Variants in STEAP2 observed in about 807,000 individuals in gnomAD.
The protein encoded by STEAP2 is STEAP2 metalloreductase.
In STEAP2, 30 loss-of-function variants were observed where a neutral mutation model predicts 46.4. That is an observed-to-expected ratio of 0.65 (90% CI 0.48 to 0.88). The LOEUF is 0.88. STEAP2 is among the 40% of genes least tolerant of loss of function. The pLI, the probability that STEAP2 is intolerant of heterozygous loss-of-function variation, is 0.00. For synonymous variants in STEAP2, 180 were observed against 200.5 expected, an observed-to-expected ratio of 0.90 and a Z score of 0.86; for missense variants, 513 against 579.3, an observed-to-expected ratio of 0.89 and a Z score of 1.18.
chr7:90,213,397 A>G (rs771117133), intron 1 of STEAP2, among the ~76,000 whole-genome samples: 1 of 152,196 alleles, frequency 6.6e-6, no homozygotes, highest in Non-Finnish European at 1.5e-5. Flanking sequence ...AAGAAGATAC[A>G]CCAAAAATGT....
At chr7:90,215,510 C>T (rs1794978336) in intron 1 of STEAP2, 1 of 152,152 alleles carries the variant, frequency 6.6e-6, no homozygotes, top group African/African-American at 2.4e-5. Flanking sequence ...AATGCCCATT[C>T]AAGAAAACGA....
At chr7:90,231,856 A>C (rs1234558691) in intron 5 of STEAP2, among the ~76,000 whole-genome samples, 1 of 152,026 alleles carries the variant, frequency 6.6e-6, no homozygotes, top group Admixed American at 6.6e-5. Flanking sequence ...AGATGTTTTG[A>C]CCAATAATCC....
downstream of STEAP2, among the ~76,000 whole-genome samples, chr7:90,241,171 T>TAC (rs66565009): frequency 0.3 from 44,574 of 149,992 alleles, 7,331 homozygotes; most frequent in East Asian, 0.67. Flanking sequence ...CACATAAACA[T>TAC]ACACACACAC....
intron 1 of STEAP2, among the ~76,000 whole-genome samples, chr7:90,212,680 A>G (rs1354490138): frequency 6.6e-6 from 1 of 152,110 alleles, no homozygotes; most frequent in Non-Finnish European, 1.5e-5. Context: ...ATTTCCATTT[A>G]TTATCTCTCC....
In STEAP2 at chr7:90,227,023, C is replaced by A; in HGVS notation, c.545C>A (p.Ala182Asp). The A allele has an allele frequency of 6.2e-7, 1 of 1,610,822 alleles. No individual in the cohort carries two copies. The highest frequency in any genetic ancestry group is 8.5e-7 in the Non-Finnish European group (1 of 1,178,892). Reference sequence around the variant, plus strand: ...GCGCGACAACAGGTTATTGAACTTGCCCGCCAGTTGAATTTCATTCCCATT... The same window carrying A: ...GCGCGACAACAGGTTATTGAACTTGACCGCCAGTTGAATTTCATTCCCATT... ...IQARQQVIEL[A>D]RQLNFIPIDL... The change falls in exon 4 of 6, where the codon GCC (alanine) becomes GAC (aspartate). Residue 182 changes from alanine (A) to aspartate (D), a missense_variant. Coordinates refer to ENST00000394621, the MANE Select transcript of STEAP2 (RefSeq NM_001244944.2).
At chr7:90,231,745 C>CACAT (rs1416255666) in intron 5 of STEAP2, among the ~76,000 whole-genome samples, 1 of 151,990 alleles carries the variant, frequency 6.6e-6, no homozygotes, top group East Asian at 1.9e-4. Context: ...TATACACACA[C>CACAT]ACATACATAC....
intron 2 of STEAP2, among the ~76,000 whole-genome samples, chr7:90,221,563 T>C (rs1455341460): frequency 6.6e-6 from 1 of 152,184 alleles, no homozygotes; most frequent in Admixed American, 6.5e-5. Flanking sequence ...ATTTTTTATC[T>C]ATTACTAGTC....
At position 90,233,336 on chromosome 7, in the gene STEAP2, T is replaced by A; in HGVS notation, c.*712T>A. On this transcript the variant is annotated 3_prime_UTR_variant, in exon 6 of 6. Coordinates refer to ENST00000394621, the MANE Select transcript of STEAP2 (RefSeq NM_001244944.2). ...GAGCAGTTTCATTTTCATATTAATATACTGATCAGGAAGAGGATTCAGTAA... is the reference window on the plus strand; with the variant it reads ...GAGCAGTTTCATTTTCATATTAATAAACTGATCAGGAAGAGGATTCAGTAA... The A allele has an allele frequency of 1.0e-6, 1 of 984,066 alleles. No individual in the cohort carries two copies. The highest frequency in any genetic ancestry group is 1.2e-6 in the Non-Finnish European group (1 of 828,684). 61.0% of individuals were successfully genotyped at this position (984,066 alleles called of 1,614,324 possible).
intron 2 of STEAP2, among the ~76,000 whole-genome samples, chr7:90,217,185 A>G (rs1795059666): frequency 6.6e-6 from 1 of 152,232 alleles, no homozygotes; most frequent in Non-Finnish European, 1.5e-5. Context: ...TGTTATATCC[A>G]TAGAATGTGT....
At chr7:90,219,889 C>A (rs184944404) in intron 2 of STEAP2, among the ~76,000 whole-genome samples, 8 of 152,172 alleles carry the variant, frequency 5.3e-5, no homozygotes, top group African/African-American at 1.9e-4. Context: ...CCACACCTAG[C>A]TATTGTTTAA....
downstream of STEAP2, among the ~76,000 whole-genome samples, chr7:90,241,833 G>C (rs192033724): frequency 5.9e-5 from 9 of 152,248 alleles, no homozygotes; most frequent in East Asian, 1.7e-3. Flanking sequence ...GACAGACAAG[G>C]TTGCACCCAA....
chr7:90,227,629 T>A (rs1329458735), intron 4 of STEAP2, 131 bp downstream of exon 4: 5 of 890,240 alleles, frequency 5.6e-6, no homozygotes, highest in Non-Finnish European at 7.8e-6. Context: ...GGGAAAGAAT[T>A]GTTCTTTAAA....
At position 90,236,020 on chromosome 7, in the gene STEAP2, G is replaced by A; in HGVS notation, c.*3396G>A. 5 of 882,962 alleles carry A rather than the reference G, an allele frequency of 5.7e-6. No individual in the cohort carries two copies. Among genetic ancestry groups the A allele is most frequent in the South Asian group, 1.0e-4 (2 of 19,136 alleles). 54.7% of individuals were successfully genotyped at this position (882,962 alleles called of 1,614,324 possible). On this transcript the variant is annotated 3_prime_UTR_variant, in exon 6 of 6. Transcript: ENST00000394621. ...AAATTAATCTGATAATAGTAACAAG[G>A]TATATTATACTTTCATTACAATCAA...
intron 2 of STEAP2, among the ~76,000 whole-genome samples, chr7:90,217,826 C>A (rs560850216): frequency 6.6e-6 from 1 of 151,074 alleles, no homozygotes; most frequent in African/African-American, 2.4e-5. Flanking sequence ...CATTTTTAGT[C>A]TTTTGAGAAA....
At chr7:90,229,097 A>T (rs1035361103) in intron 4 of STEAP2, among the ~76,000 whole-genome samples, 1 of 152,154 alleles carries the variant, frequency 6.6e-6, no homozygotes, top group African/African-American at 2.4e-5. Flanking sequence ...CCAATACTTG[A>T]TTTATACTCT....
Position 90,236,930 on chromosome 7 carries a change from C to G in STEAP2, c.*4306C>G. ...TGCAGATACCCAGACTGAGCTGGAA[C>G]TGGAATTTGTCTTCCTATTGACTCT... On this transcript the variant is annotated 3_prime_UTR_variant, in exon 6 of 6. Transcript: ENST00000394621. The G allele has an allele frequency of 6.2e-7, 1 of 1,614,122 alleles. No individual in the cohort carries two copies. Among genetic ancestry groups the G allele is most frequent in the Non-Finnish European group, 8.5e-7 (1 of 1,180,006 alleles).
intron 1 of STEAP2, among the ~76,000 whole-genome samples, chr7:90,214,510 G>A (rs1254779620): frequency 6.6e-6 from 1 of 152,110 alleles, no homozygotes; most frequent in African/African-American, 2.4e-5. Context: ...TGAAACTAAT[G>A]AGCTCAGTTT....
At chr7:90,217,290 T>G (rs1795063388) in intron 2 of STEAP2, among the ~76,000 whole-genome samples, 1 of 152,190 alleles carries the variant, frequency 6.6e-6, no homozygotes, top group South Asian at 2.1e-4. Flanking sequence ...TCTAGCTACT[T>G]TGAAATACAC....
chr7:90,224,977 C>A, intron 2 of STEAP2, 73 bp from the exon 3 acceptor site: 3 of 1,285,450 alleles, frequency 2.3e-6, no homozygotes, highest in African/African-American at 1.5e-5. Context: ...AAAGACAGGA[C>A]ATTACAATGT....
Sources: allele counts gnomAD v4.1 joint callset (sites outside exome capture counted in the v4.1 genomes callset), GRCh38; gene constraint gnomAD v4.1.1; transcripts MANE v1.5; gene names NCBI Gene and HGNC (gene_info 2026-07-23, HGNC 2026-07-21).